PLD5: variants seen among roughly 807,000 people sequenced by gnomAD.
The protein encoded by PLD5 is phospholipase D family member 5.
Under a neutral mutation model 61.1 loss-of-function variants are expected in PLD5, and 36 were observed. The observed-to-expected ratio is 0.59, with a 90% CI of 0.45 to 0.78. PLD5 has a LOEUF of 0.78. Ranked by LOEUF, PLD5 falls within the 30% of genes least tolerant of loss-of-function variation. PLD5 has a pLI of 0.00. For synonymous variants in PLD5, 243 were observed against 242.8 expected (o/e 1.00, Z -0.01); for missense variants, 515 against 644.4 (o/e 0.80, Z 2.17).
chr1:242,221,651 C>G (rs10926658), intron 4 of PLD5, among the ~76,000 whole-genome samples: 1 of 151,984 alleles, frequency 6.6e-6, no homozygotes, highest in Non-Finnish European at 1.5e-5. Flanking sequence ...TTCCAAGTGG[C>G]GGGCACATGT....
chr1:242,432,213 C>A (rs146848115), intron 1 of PLD5, among the ~76,000 whole-genome samples: 4 of 152,184 alleles, frequency 2.6e-5, no homozygotes, highest in African/African-American at 9.6e-5. Context: ...TTTTTGTTTT[C>A]TTTTACACTT....
intron 1 of PLD5, among the ~76,000 whole-genome samples, chr1:242,415,916 A>C (rs1001570905): frequency 2.0e-5 from 3 of 151,612 alleles, no homozygotes; most frequent in African/African-American, 7.3e-5. Context: ...ACTTATTTAC[A>C]TTAATTATAA....
intron 5 of PLD5, among the ~76,000 whole-genome samples, chr1:242,212,630 C>T (rs1425939490): frequency 6.6e-6 from 1 of 151,762 alleles, no homozygotes; most frequent in Admixed American, 6.5e-5. Context: ...GAGGAAGGAG[C>T]AGTACAGAAA....
intron 7 of PLD5, among the ~76,000 whole-genome samples, chr1:242,108,525 C>G (rs1661239594): frequency 6.6e-6 from 1 of 152,180 alleles, no homozygotes; most frequent in African/African-American, 2.4e-5. Flanking sequence ...CTACCATGAC[C>G]TGGCCACTTG....
chr1:242,085,359 C>T lies in PLD5; in HGVS notation c.*4495G>A, dbSNP rs887878235. ...TCATTTTTACATCTTCAAGAAACTTCTGAGGAATACCCATTGAGTCACTGT... is the reference window on the plus strand; with the variant it reads ...TCATTTTTACATCTTCAAGAAACTTTTGAGGAATACCCATTGAGTCACTGT... On this transcript the variant is annotated 3_prime_UTR_variant, in exon 10 of 10. Coordinates refer to ENST00000536534, the MANE Select transcript of PLD5 (RefSeq NM_001372062.1). The T allele has an allele frequency of 1.1e-4, 16 of 152,056 alleles. No homozygotes were observed. The highest frequency in any genetic ancestry group is 3.9e-4 in the African/African-American group (16 of 41,388). The allele number at this position is 152,056 out of a possible 1,614,324, so 9.4% of individuals were successfully genotyped here.
chr1:242,089,415 A>T lies in PLD5; in HGVS notation c.*439T>A. The stretch of plus-strand genomic sequence containing the variant: ...GTAGGTCTTGGAGACGATTTACAAG[A>T]ATAAACACTTGGTTTTATCAGTCTC... On this transcript the variant is annotated 3_prime_UTR_variant, in exon 10 of 10. Transcript: ENST00000536534. 1 of 398,144 alleles carries T rather than the reference A, an allele frequency of 2.5e-6. No individual in the cohort carries two copies. Among genetic ancestry groups the T allele is most frequent in the Non-Finnish European group, 4.4e-6 (1 of 226,358 alleles). 24.7% of individuals were successfully genotyped at this position (398,144 alleles called of 1,614,324 possible). A position where few individuals can be genotyped will look rare whatever the true frequency, so the allele number is the denominator to read the frequency against.
At chr1:242,184,021 A>T (rs181986227) in intron 5 of PLD5, among the ~76,000 whole-genome samples, 2 of 152,366 alleles carry the variant, frequency 1.3e-5, no homozygotes, top group Admixed American at 1.3e-4. Context: ...AAAAAGTTGT[A>T]CGCATTAATT....
At chr1:242,251,604 G>A (rs1200243737) in intron 4 of PLD5, among the ~76,000 whole-genome samples, 2 of 152,088 alleles carry the variant, frequency 1.3e-5, no homozygotes, top group Admixed American at 6.6e-5. Flanking sequence ...GACCAGTGGT[G>A]CATAAACCTG....
chr1:242,389,536 G>A (rs972171949), intron 1 of PLD5, among the ~76,000 whole-genome samples: 1 of 151,658 alleles, frequency 6.6e-6, no homozygotes, highest in Admixed American at 6.6e-5. Context: ...CTGTGCTGGG[G>A]AAAAAAATAA....
intron 1 of PLD5, among the ~76,000 whole-genome samples, chr1:242,441,985 T>C (rs1019551613): frequency 2.6e-5 from 4 of 152,238 alleles, no homozygotes; most frequent in Non-Finnish European, 5.9e-5. Flanking sequence ...TCCAGTACAT[T>C]GAGTAGCTCA....
intron 5 of PLD5, among the ~76,000 whole-genome samples, chr1:242,183,246 A>G (rs1171509662): frequency 6.6e-6 from 1 of 152,212 alleles, no homozygotes; most frequent in Non-Finnish European, 1.5e-5. Context: ...GCTTTGCTTT[A>G]CTATAGTTTG....
chr1:242,479,160 T>A (rs1390641621), intron 1 of PLD5, among the ~76,000 whole-genome samples: 1 of 152,144 alleles, frequency 6.6e-6, no homozygotes, highest in Non-Finnish European at 1.5e-5. Context: ...AAAATTTATT[T>A]TCAGACAATG....
At chr1:242,326,880 T>TTG (rs1658824830) in intron 2 of PLD5, among the ~76,000 whole-genome samples, 1 of 151,950 alleles carries the variant, frequency 6.6e-6, no homozygotes, top group Non-Finnish European at 1.5e-5. Flanking sequence ...CTTTTTTTTT[T>TTG]TCCGAGACAG....
intron 7 of PLD5, among the ~76,000 whole-genome samples, chr1:242,112,542 A>G (rs1409451259): frequency 1.3e-5 from 2 of 152,138 alleles, no homozygotes; most frequent in Non-Finnish European, 2.9e-5. Flanking sequence ...AAAGTATTTC[A>G]ATAATATGAA....
At chr1:242,313,089 GCA>G (rs377519113) in intron 2 of PLD5, among the ~76,000 whole-genome samples, 291 of 152,298 alleles carry the variant, frequency 1.9e-3, no homozygotes, top group African/African-American at 6.5e-3. Flanking sequence ...AAAGGATTTA[GCA>G]CAGACTTTGC....
chr1:242,364,119 A>G (rs145222573), intron 1 of PLD5, among the ~76,000 whole-genome samples: 3,218 of 152,094 alleles, frequency 0.021, 45 homozygotes, highest in East Asian at 0.033. Flanking sequence ...ACTTTTATGC[A>G]CTTAATGACC....
At position 242,460,867 on chromosome 1, in the gene PLD5, C is replaced by T. The variant is rs200875256; in HGVS notation, c.189+63221G>A. ...AAAAAAAAAAAGCAGAGGCCAGGCA[C>T]GGTGGCTCATGTTTGTAATCCCAGA... On this transcript the variant is annotated intron_variant, in intron 1 of 9. Transcript: ENST00000536534. Among the ~76,000 whole-genome samples, 25 of 151,440 alleles carry T rather than the reference C, an allele frequency of 1.7e-4. No homozygotes were observed. In the East Asian group the frequency reaches 3.7e-3, roughly 22 times the overall value.
At chr1:242,500,900 G>C (rs1668533155) in intron 1 of PLD5, among the ~76,000 whole-genome samples, 1 of 152,102 alleles carries the variant, frequency 6.6e-6, no homozygotes, top group Non-Finnish European at 1.5e-5. Context: ...ATAGAGGGAA[G>C]ATGAAAGGTT....
chr1:242,282,687 A>G (rs957145499), intron 3 of PLD5, among the ~76,000 whole-genome samples: 17 of 151,742 alleles, frequency 1.1e-4, no homozygotes, highest in Non-Finnish European at 2.2e-4. Context: ...TTTTTAACCC[A>G]GTGAATTAGG....
Sources: allele counts gnomAD v4.1 joint callset (sites outside exome capture counted in the v4.1 genomes callset), GRCh38; gene constraint gnomAD v4.1.1; transcripts MANE v1.5; gene names NCBI Gene and HGNC (gene_info 2026-07-23, HGNC 2026-07-21).